The following CNTNAP5 variants were observed in gnomAD, a reference collection of about 807,000 sequenced individuals.
CNTNAP5 encodes the protein contactin-associated protein-like 5.
A neutral mutation model predicts 150.2 loss-of-function variants in CNTNAP5; 72 were observed. The ratio of observed to expected loss-of-function variants is 0.48; its 90% CI spans 0.40 to 0.58. CNTNAP5 has a LOEUF of 0.58. Among genes scored for constraint, CNTNAP5 ranks in the 20% least tolerant of loss-of-function variants. CNTNAP5 has a pLI of 0.00. For synonymous variants in CNTNAP5, 672 were observed against 619.8 expected, an observed-to-expected ratio of 1.08 and a Z score of -1.25; for missense variants, 1,636 against 1,626.2, an observed-to-expected ratio of 1.01 and a Z score of -0.10.
chr2:124,779,694 G>C (rs1681406571), intron 17 of CNTNAP5, among the ~76,000 whole-genome samples: 1 of 152,130 alleles, frequency 6.6e-6, no homozygotes, highest in African/African-American at 2.4e-5. Flanking sequence ...AAGTTTGCAT[G>C]GTTTTGCTTC....
chr2:124,865,188 G>A, intron 19 of CNTNAP5, 118 bp from the exon 20 acceptor site: 1 of 788,742 alleles, frequency 1.3e-6, no homozygotes, highest in Non-Finnish European at 1.9e-6. Flanking sequence ...TTTAAAAATT[G>A]AATAATGGAA....
chr2:124,343,723 TCC>T, intron 3 of CNTNAP5, among the ~76,000 whole-genome samples: 1 of 152,310 alleles, frequency 6.6e-6, no homozygotes, highest in South Asian at 2.1e-4. Flanking sequence ...TTTCTCTCTC[TCC>T]TCTCTCTTTT....
chr2:124,874,119 T>TAAGAATGG (rs2104730481), intron 21 of CNTNAP5, among the ~76,000 whole-genome samples: 1 of 152,214 alleles, frequency 6.6e-6, no homozygotes, highest in South Asian at 2.1e-4. Flanking sequence ...ACATTAAAAC[T>TAAGAATGG]TCACTGTTGG....
chr2:124,555,122 AT>A (rs893144366), intron 10 of CNTNAP5, among the ~76,000 whole-genome samples: 8 of 151,918 alleles, frequency 5.3e-5, no homozygotes, highest in Non-Finnish European at 1.2e-4. Flanking sequence ...TGGGAATGCT[AT>A]TTTTTTCTGA....
intron 6 of CNTNAP5, among the ~76,000 whole-genome samples, chr2:124,472,109 A>G (rs1206791186): frequency 6.6e-6 from 1 of 152,058 alleles, no homozygotes; most frequent in African/African-American, 2.4e-5. Flanking sequence ...AGCTCAAACT[A>G]ATTTATTACT....
chr2:124,062,438 C>G (rs558637033), intron 1 of CNTNAP5, among the ~76,000 whole-genome samples: 3 of 152,286 alleles, frequency 2.0e-5, no homozygotes, highest in Admixed American at 2.0e-4. Flanking sequence ...TTGCCTCTGA[C>G]CCCAGCATGG....
chr2:124,168,898 A>G (rs562321190), intron 1 of CNTNAP5, among the ~76,000 whole-genome samples: 1 of 152,242 alleles, frequency 6.6e-6, no homozygotes, highest in East Asian at 1.9e-4. Context: ...GAGTTGATGT[A>G]AACTTTAAAA....
At chr2:124,592,172 T>C (rs1459701225) in intron 11 of CNTNAP5, among the ~76,000 whole-genome samples, 1 of 152,108 alleles carries the variant, frequency 6.6e-6, no homozygotes, top group Non-Finnish European at 1.5e-5. Flanking sequence ...AAATGGTGTT[T>C]TTAAAAAAAT....
chr2:124,028,934 T>A (rs1680968451), intron 1 of CNTNAP5, among the ~76,000 whole-genome samples: 1 of 152,144 alleles, frequency 6.6e-6, no homozygotes, highest in South Asian at 2.1e-4. Flanking sequence ...ATGATTGCAC[T>A]GATAAAATGT....
chr2:124,375,629 A>G (rs1261642603), intron 3 of CNTNAP5, among the ~76,000 whole-genome samples: 5 of 152,096 alleles, frequency 3.3e-5, no homozygotes, highest in Admixed American at 3.3e-4. Flanking sequence ...TAAAGATTGT[A>G]GTTGAGTTAA....
intron 1 of CNTNAP5, among the ~76,000 whole-genome samples, chr2:124,063,513 A>G (rs982558436): frequency 1.3e-5 from 2 of 152,160 alleles, no homozygotes; most frequent in African/African-American, 4.8e-5. Flanking sequence ...ACTGAGTTAT[A>G]ATTTAGAAGG....
intron 1 of CNTNAP5, among the ~76,000 whole-genome samples, chr2:124,140,206 T>G (rs1222756350): frequency 6.7e-6 from 1 of 148,734 alleles, no homozygotes; most frequent in South Asian, 2.2e-4. Flanking sequence ...GCAACGAGGC[T>G]GGGGGAGGGG....
intron 3 of CNTNAP5, among the ~76,000 whole-genome samples, chr2:124,269,685 T>C (rs1687694229): frequency 6.6e-6 from 1 of 152,090 alleles, no homozygotes; most frequent in African/African-American, 2.4e-5. Flanking sequence ...TATAAGAAGA[T>C]AAGGCAGCTG....
At position 124,788,496 on chromosome 2, in the gene CNTNAP5, G is replaced by C. The variant is rs77720928; in HGVS notation, c.2753-1406G>C. On this transcript the variant is annotated intron_variant, in intron 17 of 23. Transcript: ENST00000682447. ...ATCAGCACATATATATTAAGTAACT[G>C]GTTCTAGCCATTGTGAAGGTGCAAA... Among the ~76,000 whole-genome samples the C allele has an allele frequency of 4.0e-4, 61 of 152,202 alleles. 2 individuals carry two copies. The East Asian group carries it at 0.011, about 27-fold the overall frequency.
At chr2:124,804,306 TG>T (rs1245821212) in intron 19 of CNTNAP5, among the ~76,000 whole-genome samples, 1 of 152,186 alleles carries the variant, frequency 6.6e-6, no homozygotes, top group East Asian at 1.9e-4. Flanking sequence ...GGGTTAGACT[TG>T]GGTGGTAAGG....
chr2:124,698,334 G>A (rs1455440027), intron 13 of CNTNAP5, among the ~76,000 whole-genome samples: 1 of 147,088 alleles, frequency 6.8e-6, no homozygotes, highest in Non-Finnish European at 1.5e-5. Flanking sequence ...AGATGCAACT[G>A]CAAAACTCAA....
intron 7 of CNTNAP5, among the ~76,000 whole-genome samples, chr2:124,484,388 G>A (rs1176825995): frequency 6.6e-6 from 1 of 152,212 alleles, no homozygotes; most frequent in East Asian, 1.9e-4. Context: ...GGCACTAGGT[G>A]TTGAGGAAGA....
At chr2:124,334,736 G>A (rs189528802) in intron 3 of CNTNAP5, among the ~76,000 whole-genome samples, 70 of 152,132 alleles carry the variant, frequency 4.6e-4, no homozygotes, top group Non-Finnish European at 7.8e-4. Context: ...TCTAAGGCTT[G>A]TTGTGACACT....
chr2:124,285,612 C>T (rs1688130974), intron 3 of CNTNAP5, among the ~76,000 whole-genome samples: 1 of 150,712 alleles, frequency 6.6e-6, no homozygotes, highest in African/African-American at 2.4e-5. Flanking sequence ...CCAGCCTGGG[C>T]AACATGGAAA....
Sources: gnomAD v4.1 joint callset for allele counts (sites outside exome capture counted in the v4.1 genomes callset) on GRCh38, gnomAD v4.1.1 for gene constraint, MANE v1.5 for transcripts, NCBI Gene and HGNC (gene_info 2026-07-23, HGNC 2026-07-21) for gene names.